RAD51B: variants seen among roughly 807,000 people sequenced by gnomAD.
The protein encoded by RAD51B is DNA repair protein RAD51 homolog 2.
Under a neutral mutation model 42.2 loss-of-function variants are expected in RAD51B, and 38 were observed. The ratio of observed to expected loss-of-function variants is 0.90; its 90% CI spans 0.70 to 1.18. The LOEUF is 1.18. Among genes scored for constraint, RAD51B ranks in the 50% most tolerant of loss-of-function variants. The pLI, the probability that RAD51B is intolerant of heterozygous loss-of-function variation, is 0.00. For synonymous variants in RAD51B, 154 were observed against 145.2 expected (o/e 1.06, Z -0.43); for missense variants, 373 against 400.7 (o/e 0.93, Z 0.59).
intron 7 of RAD51B, among the ~76,000 whole-genome samples, chr14:67,900,694 T>A (rs2043584281): frequency 6.6e-6 from 1 of 150,960 alleles, no homozygotes; most frequent in South Asian, 2.1e-4. Flanking sequence ...TAAACTGGAA[T>A]AAAGTAATGC....
chr14:68,308,529 T>G (rs1237548453), intron 8 of RAD51B, among the ~76,000 whole-genome samples: 1 of 152,120 alleles, frequency 6.6e-6, no homozygotes, highest in Non-Finnish European at 1.5e-5. Flanking sequence ...AAAATATTTT[T>G]CTCTGCCCTT....
intron 4 of RAD51B, among the ~76,000 whole-genome samples, chr14:67,863,389 G>A (rs1382293038): frequency 6.6e-6 from 1 of 152,056 alleles, no homozygotes; most frequent in East Asian, 1.9e-4. Flanking sequence ...TACTAGCGAT[G>A]TAAATTCTCA....
chr14:68,309,417 A>C (rs1364839027), intron 8 of RAD51B, among the ~76,000 whole-genome samples: 1 of 152,200 alleles, frequency 6.6e-6, no homozygotes, highest in East Asian at 1.9e-4. Flanking sequence ...AGGATCAGCA[A>C]ATGAGAGTCC....
chr14:68,640,556 G>A (rs963633824), intron 10 of RAD51B, among the ~76,000 whole-genome samples: 14 of 152,234 alleles, frequency 9.2e-5, no homozygotes, highest in African/African-American at 3.1e-4. Context: ...CTCTCAAGAA[G>A]CTTATGCTCT....
intron 8 of RAD51B, among the ~76,000 whole-genome samples, chr14:68,319,788 G>A (rs916025238): frequency 1.3e-5 from 2 of 152,226 alleles, no homozygotes; most frequent in Admixed American, 1.3e-4. Flanking sequence ...ATCTAGCCTA[G>A]AGAAGTGGAG....
At chr14:68,238,744 G>A (rs1363552245) in intron 7 of RAD51B, among the ~76,000 whole-genome samples, 1 of 152,162 alleles carries the variant, frequency 6.6e-6, no homozygotes, top group Admixed American at 6.5e-5. Context: ...TGTGGTCTGT[G>A]GAACACCTGC....
chr14:68,263,776 T>A (rs2080932487), intron 7 of RAD51B, among the ~76,000 whole-genome samples: 1 of 152,214 alleles, frequency 6.6e-6, no homozygotes, highest in Non-Finnish European at 1.5e-5. Flanking sequence ...TTCCCCCTCA[T>A]CTGACATTTT....
intron 10 of RAD51B, among the ~76,000 whole-genome samples, chr14:68,483,798 C>T (rs1013259038): frequency 6.6e-6 from 1 of 152,200 alleles, no homozygotes; most frequent in Non-Finnish European, 1.5e-5. Flanking sequence ...TGCCTGGGGG[C>T]ATTTCCAAAG....
intron 7 of RAD51B, among the ~76,000 whole-genome samples, chr14:67,965,371 G>A (rs182351302): frequency 2.1e-5 from 3 of 143,950 alleles, no homozygotes; most frequent in South Asian, 2.1e-4. Flanking sequence ...GCCCTGTTTA[G>A]GCCCTTTTCA....
At chr14:68,289,903 G>T (rs554951430) in intron 7 of RAD51B, among the ~76,000 whole-genome samples, 7 of 152,288 alleles carry the variant, frequency 4.6e-5, no homozygotes, top group African/African-American at 1.7e-4. Context: ...ATACTGAGTG[G>T]AATCCTGCAA....
intron 8 of RAD51B, among the ~76,000 whole-genome samples, chr14:68,390,018 T>G: frequency 6.6e-6 from 1 of 152,250 alleles, no homozygotes; most frequent in Non-Finnish European, 1.5e-5. Context: ...TGGCTTACTC[T>G]ATAATCTGAG....
At chr14:68,506,213 A>C (rs1885306789) in intron 10 of RAD51B, among the ~76,000 whole-genome samples, 1 of 152,192 alleles carries the variant, frequency 6.6e-6, no homozygotes, top group Non-Finnish European at 1.5e-5. Flanking sequence ...CCGTCCTCCC[A>C]GCCAGGTTTC....
At chr14:68,513,098 G>A (rs1885851101) in intron 10 of RAD51B, among the ~76,000 whole-genome samples, 2 of 152,214 alleles carry the variant, frequency 1.3e-5, no homozygotes, top group South Asian at 2.1e-4. Context: ...AGCCATGGAA[G>A]TGGTGACTTT....
intron 7 of RAD51B, among the ~76,000 whole-genome samples, chr14:67,897,454 A>T (rs182573509): frequency 8.5e-5 from 13 of 152,268 alleles, no homozygotes; most frequent in African/African-American, 2.6e-4. Flanking sequence ...GGGCAAAAGA[A>T]CTGAATAGAA....
chr14:67,995,105 C>T (rs759333555), intron 7 of RAD51B, among the ~76,000 whole-genome samples: 1 of 151,912 alleles, frequency 6.6e-6, no homozygotes, highest in Non-Finnish European at 1.5e-5. Flanking sequence ...AAGACACACT[C>T]GGCCGGGCAT....
chr14:68,449,882 CG>C (rs2085512712), intron 9 of RAD51B, among the ~76,000 whole-genome samples: 1 of 152,094 alleles, frequency 6.6e-6, no homozygotes, highest in African/African-American at 2.4e-5. Flanking sequence ...TAGAAGAACT[CG>C]GTCTGAATAT....
intron 7 of RAD51B, among the ~76,000 whole-genome samples, chr14:68,256,750 A>G (rs2080761109): frequency 6.6e-6 from 1 of 152,076 alleles, no homozygotes; most frequent in African/African-American, 2.4e-5. Flanking sequence ...CACTTCACCA[A>G]TCTCTCTTGC....
chr14:68,061,826 A>G (rs2076572807), intron 7 of RAD51B, among the ~76,000 whole-genome samples: 1 of 152,118 alleles, frequency 6.6e-6, no homozygotes, highest in Non-Finnish European at 1.5e-5. Flanking sequence ...TATATGTTAA[A>G]TTATGTCTTT....
intron 8 of RAD51B, among the ~76,000 whole-genome samples, chr14:68,369,260 G>A (rs903652885): frequency 8.5e-5 from 13 of 152,210 alleles, no homozygotes; most frequent in African/African-American, 3.1e-4. Flanking sequence ...AGTGGGTTTG[G>A]CTATTGTAAA....
Sources: gnomAD v4.1 joint callset for allele counts (sites outside exome capture counted in the v4.1 genomes callset) on GRCh38, gnomAD v4.1.1 for gene constraint, MANE v1.5 for transcripts, NCBI Gene and HGNC (gene_info 2026-07-23, HGNC 2026-07-21) for gene names.